Variants in ADAP1 observed in about 807,000 individuals in gnomAD.
ADAP1 encodes arf-GAP with dual PH domain-containing protein 1.
ADAP1 carries 31 observed loss-of-function variants against 54.9 expected under a neutral mutation model. The ratio of observed to expected loss-of-function variants is 0.56; its 90% confidence interval spans 0.42 to 0.76. The LOEUF (loss-of-function observed/expected upper bound fraction) is 0.76. Among genes scored for constraint, ADAP1 ranks in the 30% least tolerant of loss-of-function variants. The probability of loss-of-function intolerance (pLI) is 0.00; values close to 1 mark genes in which losing one functional copy is unlikely to be tolerated. For missense variants in ADAP1, 535 were observed against 512.4 expected (o/e 1.04, Z -0.42); for synonymous variants, 313 against 202.6 (o/e 1.55, Z -4.63).
chr7:916,442 C>A (rs1583154807), intron 4 of ADAP1, among the ~76,000 whole-genome samples: 1 of 152,202 alleles, frequency 6.6e-6, no homozygotes, highest in South Asian at 2.1e-4. Context: ...AAAACTCAGT[C>A]CTGTGGTCAC....
At chr7:924,167 C>CCCCT (rs1287056169) in intron 3 of ADAP1, among the ~76,000 whole-genome samples, 2 of 108,886 alleles carry the variant, frequency 1.8e-5, no homozygotes, top group African/African-American at 3.8e-5. Context: ...CACGCTGCAC[C>CCCCT]CCCCGCCCTC....
At chr7:906,865 C>A (rs547851045) in intron 4 of ADAP1, among the ~76,000 whole-genome samples, 3 of 124,548 alleles carry the variant, frequency 2.4e-5, no homozygotes, top group Non-Finnish European at 5.3e-5. Flanking sequence ...GACAGTGGAC[C>A]AGCGCTGTTG....
intron 2 of ADAP1, among the ~76,000 whole-genome samples, chr7:932,604 C>T (rs1459163385): frequency 6.6e-6 from 1 of 152,178 alleles, no homozygotes; most frequent in African/African-American, 2.4e-5. Flanking sequence ...CAGGGGCCAC[C>T]CTGCCCATTT....
intron 2 of ADAP1, among the ~76,000 whole-genome samples, chr7:929,200 G>A (rs1846486087): frequency 6.6e-6 from 1 of 151,832 alleles, no homozygotes; most frequent in Non-Finnish European, 1.5e-5. Flanking sequence ...GCTGAGGCAG[G>A]AGAATCGCTT....
At chr7:905,285 C>CAGGGGGAGACGGGCG in intron 4 of ADAP1, 113 bp from the exon 5 acceptor site, 1 of 235,636 alleles carries the variant, frequency 4.2e-6, no homozygotes, top group Admixed American at 4.8e-5. Flanking sequence ...GGGACACGGA[C>CAGGGGGAGACGGGCG]GGGGGACACG....
At chr7:928,423 T>A (rs1304621372) in intron 2 of ADAP1, among the ~76,000 whole-genome samples, 1 of 152,222 alleles carries the variant, frequency 6.6e-6, no homozygotes, top group Non-Finnish European at 1.5e-5. Flanking sequence ...TTTTTAAAAT[T>A]ACTTTTACAT....
At chr7:906,607 G>GGGAAAGGAGAAAGGAGAAA (rs1270910985) in intron 4 of ADAP1, among the ~76,000 whole-genome samples, 1 of 7,770 alleles carries the variant, frequency 1.3e-4, no homozygotes, top group Admixed American at 1.6e-3. Context: ...AAGGGAGAAA[G>GGGAAAGGAGAAAGGAGAAA]GGAGAAAGGG....
chr7:904,325 G>A (rs568456403), intron 5 of ADAP1, 53 bp from the exon 6 acceptor site: 4 of 1,524,594 alleles, frequency 2.6e-6, no homozygotes, highest in South Asian at 1.3e-5. Flanking sequence ...CCAAGCTCAA[G>A]GGAGCAGGAA....
chr7:949,241 C>T (rs1320112136), intron 1 of ADAP1, among the ~76,000 whole-genome samples: 2 of 152,238 alleles, frequency 1.3e-5, no homozygotes, highest in African/African-American at 4.8e-5. Flanking sequence ...CCTTGTGGGC[C>T]TCTGCCTCCC....
rs958725689 is a variant in ADAP1, at chr7:898,612, G to A, written c.*309C>T. ...GTGGTGGGCGGCTCCTGGGGGCTGT[G>A]TCTGAGCTCGGGAGCCAGACTGGGC... On this transcript the variant is annotated 3_prime_UTR_variant, in exon 11 of 11. Transcript: ENST00000265846. 1 of 464,826 alleles carries A rather than the reference G, an allele frequency of 2.2e-6. No individual in the cohort carries two copies. The highest frequency in any genetic ancestry group is 4.0e-6 in the Non-Finnish European group (1 of 250,914). 28.8% of individuals were successfully genotyped at this position (464,826 alleles called of 1,614,324 possible).
At chr7:925,220 C>T (rs1156451567) in intron 3 of ADAP1, among the ~76,000 whole-genome samples, 1 of 152,094 alleles carries the variant, frequency 6.6e-6, no homozygotes, top group African/African-American at 2.4e-5. Flanking sequence ...AACACACCTC[C>T]AGCCCCTGCT....
At chr7:904,384 T>C (rs535336332) in intron 5 of ADAP1, 112 bp from the exon 6 acceptor site, 6 of 1,386,592 alleles carry the variant, frequency 4.3e-6, no homozygotes, top group Non-Finnish European at 1.9e-6. Flanking sequence ...CTGTGTGGCT[T>C]TGGGCAAGTT....
At chr7:930,091 A>C (rs1280630798) in intron 2 of ADAP1, among the ~76,000 whole-genome samples, 2 of 132,608 alleles carry the variant, frequency 1.5e-5, no homozygotes. Flanking sequence ...GTGACAGAGC[A>C]AGACTGTCTC....
chr7:901,839 C>T (rs945833705), intron 6 of ADAP1, among the ~76,000 whole-genome samples: 1 of 151,398 alleles, frequency 6.6e-6, no homozygotes, highest in Non-Finnish European at 1.5e-5. Flanking sequence ...AAGCTGAACC[C>T]GTCCACACCA....
chr7:898,843 G>T lies in ADAP1; in HGVS notation c.*78C>A, dbSNP rs142999551. ...AGGTGGGGCCAGGTGGCCTCAGGAC[G>T]CCAGAGCCCCCCCATCCACGGGTCC... On this transcript the variant is annotated 3_prime_UTR_variant, in exon 11 of 11. Transcript: ENST00000265846. 1.9e-6 allele frequency: 3 copies of T among 1,540,792 alleles called. No individual in the cohort carries two copies. Among genetic ancestry groups the T allele is most frequent in the African/African-American group, 2.7e-5 (2 of 72,950 alleles).
At chr7:915,483 G>A (rs369945361) in intron 4 of ADAP1, among the ~76,000 whole-genome samples, 7 of 152,338 alleles carry the variant, frequency 4.6e-5, no homozygotes, top group African/African-American at 7.2e-5. Flanking sequence ...TTCAGAGGCC[G>A]GCAGGCAAGG....
In ADAP1 at chr7:926,988, C is replaced by T; in HGVS notation, c.214-344G>A. 7.9e-7 allele frequency: 1 copy of T among 1,261,898 alleles called. No individual in the cohort carries two copies. The highest frequency in any genetic ancestry group is 1.0e-6 in the Non-Finnish European group (1 of 978,110). 78.2% of individuals were successfully genotyped at this position (1,261,898 alleles called of 1,614,324 possible). On this transcript the variant is annotated intron_variant, in intron 2 of 10. Coordinates refer to ENST00000265846, the MANE Select transcript of ADAP1 (RefSeq NM_006869.4). This position sits in a 1 kb window ranked among gnomAD's most constrained non-coding sequence, Gnocchi z 4.6. ...GTGTCCCGTGGGAGAGAGCTGGCTG[C>T]ATCCTGTGACCCCCATCTCTGCCCC...
chr7:905,635 GGAAAGGAGAAAGGGAAAGGA>G (rs1562912495), intron 4 of ADAP1: 14 of 29,336 alleles, frequency 4.8e-4, no homozygotes, highest in African/African-American at 2.1e-3. Flanking sequence ...AAGGAGAAAG[GGAAAGGAGAAAGGGAAAGGA>G]GAAAGGAGAA....
chr7:937,485 T>C (rs1465006780), intron 1 of ADAP1, among the ~76,000 whole-genome samples: 1 of 25,216 alleles, frequency 4.0e-5, no homozygotes, highest in Non-Finnish European at 6.4e-5. Flanking sequence ...GCCTCTGGGA[T>C]TTGGAGGTCA....
Sources: allele counts gnomAD v4.1 joint callset (sites outside exome capture counted in the v4.1 genomes callset), GRCh38; gene constraint gnomAD v4.1.1; non-coding constraint Gnocchi (gnomAD v3.1); transcripts MANE v1.5; gene names NCBI Gene and HGNC (gene_info 2026-07-23, HGNC 2026-07-21).